Variants in MTMR10 observed in about 807,000 individuals in gnomAD.
MTMR10 encodes myotubularin-related protein 10.
Under a neutral mutation model 88.1 loss-of-function variants are expected in MTMR10, and 56 were observed. That is an observed-to-expected ratio of 0.64 (90% confidence interval 0.51 to 0.79). The LOEUF is 0.79. Ranked by LOEUF, MTMR10 falls within the 30% of genes least tolerant of loss-of-function variation. MTMR10 has a pLI of 0.00. For synonymous variants in MTMR10, 380 were observed against 340.9 expected, an observed-to-expected ratio of 1.11 and a Z score of -1.26; for missense variants, 883 against 924.7, an observed-to-expected ratio of 0.95 and a Z score of 0.58.
chr15:30,942,152 A>G, intron 15 of MTMR10, 80 bp from the exon 16 acceptor site: 1 of 1,439,152 alleles, frequency 6.9e-7, no homozygotes, highest in East Asian at 2.3e-5. Context: ...ATATAAACTC[A>G]ATACTATGAA....
intron 14 of MTMR10, among the ~76,000 whole-genome samples, chr15:30,945,187 G>A (rs564505560): frequency 7.9e-4 from 120 of 152,184 alleles, no homozygotes; most frequent in Non-Finnish European, 1.2e-3. Flanking sequence ...GGCTGAGAAC[G>A]GTTAAGAATC....
the MTMR10 span, among the ~76,000 whole-genome samples, chr15:30,931,957 T>C: frequency 6.6e-6 from 1 of 150,672 alleles, no homozygotes; most frequent in South Asian, 2.1e-4. Flanking sequence ...GTACGGTGGC[T>C]CACACCTGTA....
intron 11 of MTMR10, among the ~76,000 whole-genome samples, chr15:30,952,266 G>T (rs2063259289): frequency 6.6e-6 from 1 of 152,242 alleles, no homozygotes; most frequent in Non-Finnish European, 1.5e-5. Context: ...AGCATCACAA[G>T]AGAGGATTGA....
intron 2 of MTMR10, among the ~76,000 whole-genome samples, chr15:30,987,716 A>G (rs1446445642): frequency 6.6e-6 from 1 of 151,600 alleles, no homozygotes; most frequent in East Asian, 1.9e-4. Flanking sequence ...GTTCTGGGAT[A>G]CATGTGCAGA....
chr15:30,946,497 A>AAG, intron 14 of MTMR10: 4 of 465,492 alleles, frequency 8.6e-6, no homozygotes, highest in Non-Finnish European at 1.5e-5. Context: ...GCTGAGGCTG[A>AAG]AGACCCCGGA....
At chr15:30,944,434 T>C (rs2959035) in intron 14 of MTMR10, among the ~76,000 whole-genome samples, 123,329 of 151,098 alleles carry the variant, frequency 0.82, 50,499 homozygotes, top group East Asian at 0.97. Flanking sequence ...GGCATGGTGG[T>C]GTGCACCTGT....
intron 9 of MTMR10, 126 bp from the exon 10 acceptor site, chr15:30,955,019 T>C (rs191199408): frequency 3.8e-6 from 3 of 797,162 alleles, no homozygotes; most frequent in Non-Finnish European, 5.3e-6. Flanking sequence ...TCATGGAGTT[T>C]ACTTTTTTTT....
At chr15:30,989,469 C>A (rs563539651) in intron 2 of MTMR10, among the ~76,000 whole-genome samples, 1 of 152,046 alleles carries the variant, frequency 6.6e-6, no homozygotes, top group Non-Finnish European at 1.5e-5. Context: ...TTTAAAGTTT[C>A]CACATTTGTT....
the MTMR10 span, chr15:30,925,820 G>A: frequency 3.1e-5 from 50 of 1,614,072 alleles, no homozygotes; most frequent in East Asian, 5.8e-4. Context: ...TGCCCACAGC[G>A]TGGGATGTGC....
the MTMR10 span, among the ~76,000 whole-genome samples, chr15:30,924,550 GCTTT>G: frequency 1.3e-5 from 2 of 152,110 alleles, no homozygotes; most frequent in South Asian, 4.1e-4. Flanking sequence ...TCTCCTTGTG[GCTTT>G]CTGTGTTTGT....
chr15:30,948,703 TAGA>T lies in MTMR10; in HGVS notation c.1208-235_1208-233del, dbSNP rs557781260. The stretch of plus-strand genomic sequence containing the variant: ...TTATACATGGATATTTGCCAGATAA[TAGA>T]AGCTCATCACTCATACTTTTTACAT... On this transcript the variant is annotated intron_variant, in intron 12 of 15. Coordinates refer to ENST00000435680, the MANE Select transcript of MTMR10 (RefSeq NM_017762.3). The T allele has an allele frequency of 5.2e-5, 29 of 561,918 alleles. No individual in the cohort carries two copies. In the East Asian group the frequency reaches 8.2e-4, roughly 16 times the overall value. The allele number at this position is 561,918 out of a possible 1,614,324, so 34.8% of individuals were successfully genotyped here.
chr15:30,985,770 C>T (rs1213528299), intron 2 of MTMR10, among the ~76,000 whole-genome samples: 1 of 152,220 alleles, frequency 6.6e-6, no homozygotes, highest in African/African-American at 2.4e-5. Context: ...GACTTCAACA[C>T]ACATTAGTGC....
Position 30,941,302 on chromosome 15 carries a change from ATAAG to A in MTMR10, c.*164_*167del, listed in dbSNP as rs539067846. On this transcript the variant is annotated 3_prime_UTR_variant, in exon 16 of 16. Transcript: ENST00000435680. Reference sequence around the variant, plus strand: ...GAACAAAATTTACATCTCTCTTAAAATAAGTGTGAAAGAAGCATGATTCAACATG... The same window carrying A: ...GAACAAAATTTACATCTCTCTTAAAATGTGAAAGAAGCATGATTCAACATG... The A allele has an allele frequency of 5.8e-5, 88 of 1,521,538 alleles. 2 individuals carry two copies. In the South Asian group the frequency reaches 9.3e-4, roughly 16 times the overall value. The allele number at this position is 1,521,538 out of a possible 1,614,324, so 94.3% of individuals were successfully genotyped here.
downstream of MTMR10, among the ~76,000 whole-genome samples, chr15:30,935,806 T>C (rs1161628105): frequency 6.6e-6 from 1 of 152,230 alleles, no homozygotes; most frequent in Non-Finnish European, 1.5e-5. Context: ...GTCTACTGTC[T>C]TCTAACTAGC....
intron 2 of MTMR10, among the ~76,000 whole-genome samples, chr15:30,985,733 T>G (rs1174566171): frequency 6.6e-6 from 1 of 152,238 alleles, no homozygotes; most frequent in East Asian, 1.9e-4. Context: ...TTGTGTCACC[T>G]GGCCTGCAAG....
the MTMR10 span, chr15:30,929,272 C>T: frequency 1.9e-6 from 3 of 1,613,590 alleles, no homozygotes; most frequent in Non-Finnish European, 2.5e-6. Context: ...GGCCAGGCTG[C>T]AGCTGATTCA....
At chr15:30,932,879 A>ATTT in the MTMR10 span, among the ~76,000 whole-genome samples, 4 of 139,344 alleles carry the variant, frequency 2.9e-5, no homozygotes, top group African/African-American at 7.9e-5. Context: ...TGCCTGGATA[A>ATTT]TTTTTTTTTT....
At chr15:30,963,939 A>G (rs2063441034) in intron 6 of MTMR10, among the ~76,000 whole-genome samples, 1 of 152,126 alleles carries the variant, frequency 6.6e-6, no homozygotes, top group Admixed American at 6.5e-5. Flanking sequence ...TACATTAAAC[A>G]CGAAAAAGGC....
the MTMR10 span, among the ~76,000 whole-genome samples, chr15:30,919,584 A>C: frequency 2.0e-5 from 3 of 146,590 alleles, no homozygotes; most frequent in African/African-American, 5.1e-5. Context: ...CCAGCCTCGG[A>C]AGGCTGAGGC....
Sources: gnomAD v4.1 joint callset for allele counts (sites outside exome capture counted in the v4.1 genomes callset) on GRCh38, gnomAD v4.1.1 for gene constraint, MANE v1.5 for transcripts, NCBI Gene and HGNC (gene_info 2026-07-23, HGNC 2026-07-21) for gene names.